KIF26B: variants seen among roughly 807,000 people sequenced by gnomAD.
The protein encoded by KIF26B is kinesin-like protein KIF26B.
KIF26B carries 63 observed loss-of-function variants against 151.2 expected under a neutral mutation model. That is an observed-to-expected ratio of 0.42 (90% confidence interval 0.34 to 0.51). The LOEUF is 0.51. Ranked by LOEUF, KIF26B falls within the 20% of genes least tolerant of loss-of-function variation. The pLI, the probability that KIF26B is intolerant of heterozygous loss-of-function variation, is 0.07. For missense variants in KIF26B, 2,813 were observed against 2,913.6 expected (o/e 0.97, Z 0.79); for synonymous variants, 1,357 against 1,262.1 (o/e 1.08, Z -1.59).
chr1:245,400,548 A>T, intron 3 of KIF26B, among the ~76,000 whole-genome samples: 1 of 135,224 alleles, frequency 7.4e-6, no homozygotes, highest in Non-Finnish European at 1.5e-5. Context: ...CACCCCTGCT[A>T]TCCAGCATGG....
chr1:245,221,505 T>C (rs1669773673), intron 2 of KIF26B, among the ~76,000 whole-genome samples: 1 of 152,016 alleles, frequency 6.6e-6, no homozygotes. Flanking sequence ...CTTCCCCTGT[T>C]CAAACCATCT....
intron 9 of KIF26B, 173 bp from the exon 10 acceptor site, chr1:245,645,948 A>G (rs1024447106): frequency 1.6e-6 from 1 of 621,178 alleles, no homozygotes; most frequent in Non-Finnish European, 2.8e-6. Flanking sequence ...AAGAGGACCA[A>G]TGCTATTTGC....
chr1:245,361,284 A>G (rs1186057629), intron 2 of KIF26B, among the ~76,000 whole-genome samples: 1 of 152,160 alleles, frequency 6.6e-6, no homozygotes, highest in Admixed American at 6.5e-5. Context: ...CCCTGCAGTA[A>G]TCCAGAGCAG....
chr1:245,640,176 T>C (rs538120405), intron 9 of KIF26B, among the ~76,000 whole-genome samples: 1 of 140,786 alleles, frequency 7.1e-6, no homozygotes, highest in South Asian at 2.3e-4. Flanking sequence ...GCTATTTGGT[T>C]ATATATATTC....
chr1:245,459,682 G>C (rs755153603), intron 4 of KIF26B, among the ~76,000 whole-genome samples: 3 of 152,128 alleles, frequency 2.0e-5, no homozygotes, highest in Non-Finnish European at 4.4e-5. Flanking sequence ...GAGTGAACGG[G>C]CACTTTGGGG....
At chr1:245,376,432 A>AT (rs970220061) in intron 3 of KIF26B, among the ~76,000 whole-genome samples, 2 of 151,956 alleles carry the variant, frequency 1.3e-5, no homozygotes, top group African/African-American at 4.8e-5. Context: ...TAAAAAAAAA[A>AT]ATCCTAATGC....
chr1:245,533,914 G>A (rs1364951230), intron 4 of KIF26B, among the ~76,000 whole-genome samples: 2 of 152,078 alleles, frequency 1.3e-5, no homozygotes, highest in South Asian at 2.1e-4. Context: ...TTTTAGGTTT[G>A]GGTAGATCTG....
chr1:245,333,124 A>G (rs1025747758), intron 2 of KIF26B, among the ~76,000 whole-genome samples: 1 of 152,194 alleles, frequency 6.6e-6, no homozygotes, highest in African/African-American at 2.4e-5. Context: ...TGGAAGGCCC[A>G]ACAGATAGTC....
rs1320510229 is a variant in KIF26B, at chr1:245,687,127, G to A, written c.4144G>A (p.Glu1382Lys). ...CAACACGGCCAATCTGAGCAGCTGC[G>A]AGGGGTACATCCCCATGAAGACCAA... Reference protein sequence around the residue: ...ISNTANLSSCEGYIPMKTNIT... With the variant: ...ISNTANLSSCKGYIPMKTNIT... Residue 1382 changes from glutamate (E) to lysine (K), a missense_variant, in exon 12 of 15, where the codon GAG becomes AAG. Transcript: ENST00000407071. This position sits in a 1 kb window ranked among gnomAD's most constrained non-coding sequence, Gnocchi z 4.9. The A allele has an allele frequency of 1.9e-6, 3 of 1,613,210 alleles. No individual in the cohort carries two copies. Among genetic ancestry groups the A allele is most frequent in the African/African-American group, 1.3e-5 (1 of 74,856 alleles).
chr1:245,183,021 T>C (rs950161384), intron 2 of KIF26B, among the ~76,000 whole-genome samples: 1 of 152,260 alleles, frequency 6.6e-6, no homozygotes, highest in African/African-American at 2.4e-5. Flanking sequence ...TCGATGCTAG[T>C]ATCACCCTGT....
At chr1:245,204,632 C>T (rs1198911046) in intron 2 of KIF26B, among the ~76,000 whole-genome samples, 2 of 152,144 alleles carry the variant, frequency 1.3e-5, no homozygotes, top group Admixed American at 6.5e-5. Flanking sequence ...CCTTGGCCTC[C>T]TAAAGTGCTG....
At chr1:245,594,680 A>G (rs2043322099) in intron 5 of KIF26B, among the ~76,000 whole-genome samples, 1 of 152,188 alleles carries the variant, frequency 6.6e-6, no homozygotes. Flanking sequence ...TGAAATTTAA[A>G]GTAGTTTTTT....
intron 10 of KIF26B, chr1:245,676,397 C>A (rs2044357674): frequency 6.6e-6 from 1 of 152,202 alleles, no homozygotes. Flanking sequence ...TGTTTTATAT[C>A]CACTTCAGTC....
chr1:245,192,937 A>C (rs923087736), intron 2 of KIF26B, among the ~76,000 whole-genome samples: 1 of 152,080 alleles, frequency 6.6e-6, no homozygotes, highest in Non-Finnish European at 1.5e-5. Context: ...CAGGTTTGTG[A>C]TACAGGTAAG....
At chr1:245,421,584 C>A (rs1441133592) in intron 4 of KIF26B, among the ~76,000 whole-genome samples, 6 of 152,068 alleles carry the variant, frequency 3.9e-5, no homozygotes, top group South Asian at 2.1e-4. Flanking sequence ...AATTGACTTC[C>A]GACGTGCCTT....
At chr1:245,251,916 A>G (rs1200379444) in intron 2 of KIF26B, among the ~76,000 whole-genome samples, 1 of 152,046 alleles carries the variant, frequency 6.6e-6, no homozygotes, top group Non-Finnish European at 1.5e-5. Context: ...ATGTATATGA[A>G]TTTTTCTGTC....
intron 2 of KIF26B, among the ~76,000 whole-genome samples, chr1:245,366,104 G>A (rs1420065390): frequency 1.3e-5 from 2 of 152,136 alleles, no homozygotes; most frequent in Non-Finnish European, 2.9e-5. Flanking sequence ...GTGGTAACAG[G>A]GGGCCAAGGG....
chr1:245,474,171 T>G lies in KIF26B; in HGVS notation c.1166+54426T>G, dbSNP rs551743633. Among the ~76,000 whole-genome samples, 30 of 150,380 alleles carry G rather than the reference T, an allele frequency of 2.0e-4. 1 individual carries two copies. In the South Asian group the frequency reaches 6.0e-3, roughly 30 times the overall value. Reference sequence around the variant, plus strand: ...TCACCCAGTCTGGAGTGCAGTGGCATGATCTCAGCTCACTGCAACCTCTGC... The same window carrying G: ...TCACCCAGTCTGGAGTGCAGTGGCAGGATCTCAGCTCACTGCAACCTCTGC... On this transcript the variant is annotated intron_variant, in intron 4 of 14. Coordinates refer to ENST00000407071, the MANE Select transcript of KIF26B (RefSeq NM_018012.4).
intron 3 of KIF26B, among the ~76,000 whole-genome samples, chr1:245,416,849 C>T (rs1222059785): frequency 6.6e-6 from 1 of 152,172 alleles, no homozygotes; most frequent in Admixed American, 6.5e-5. Context: ...GAAAGTCTGT[C>T]ATCTCTGAAG....
Sources: gnomAD v4.1 joint callset for allele counts (sites outside exome capture counted in the v4.1 genomes callset) on GRCh38, gnomAD v4.1.1 for gene constraint, Gnocchi (gnomAD v3.1) non-coding constraint, MANE v1.5 for transcripts, NCBI Gene and HGNC (gene_info 2026-07-23, HGNC 2026-07-21) for gene names.